ARHGAP26: variants seen among roughly 807,000 people sequenced by gnomAD.
The protein encoded by ARHGAP26 is Rho GTPase activating protein 26, also known as rho GTPase-activating protein 26.
ARHGAP26 carries 38 observed loss-of-function variants against 104.8 expected under a neutral mutation model. The ratio of observed to expected loss-of-function variants is 0.36; its 90% CI spans 0.28 to 0.48. ARHGAP26 has a LOEUF of 0.48. Ranked by LOEUF, ARHGAP26 falls within the 20% of genes least tolerant of loss-of-function variation. The probability of loss-of-function intolerance (pLI) is 0.99; values close to 1 mark genes in which losing one functional copy is unlikely to be tolerated. For missense variants in ARHGAP26, 704 were observed against 947.9 expected (o/e 0.74, Z 3.38); for synonymous variants, 341 against 340.0 (o/e 1.00, Z -0.03).
At chr5:143,036,957 A>G (rs771391550) in intron 12 of ARHGAP26, among the ~76,000 whole-genome samples, 3 of 152,234 alleles carry the variant, frequency 2.0e-5, no homozygotes, top group African/African-American at 7.2e-5. Context: ...TGAGGTTACT[A>G]TGAGAACTAA....
At chr5:143,159,077 A>G (rs1800872067) in intron 20 of ARHGAP26, among the ~76,000 whole-genome samples, 1 of 152,224 alleles carries the variant, frequency 6.6e-6, no homozygotes, top group African/African-American at 2.4e-5. Flanking sequence ...AGCTGAGAGA[A>G]CATGAGAGGA....
At chr5:143,048,041 G>A (rs1043923775) in intron 14 of ARHGAP26, among the ~76,000 whole-genome samples, 5 of 151,968 alleles carry the variant, frequency 3.3e-5, no homozygotes, top group Non-Finnish European at 7.4e-5. Flanking sequence ...TAGAGTCAAG[G>A]TTTCACCATG....
rs201237912 is a variant in ARHGAP26, at chr5:143,132,535, AT to A, written c.1699-1425del. ...CAGCCATTAAGAATCATGTCTGAAG[AT>A]TTTTTTAATGAATGAGGAAATACTG... On this transcript the variant is annotated intron_variant, in intron 18 of 22. Transcript: ENST00000645722. Among the ~76,000 whole-genome samples the A allele has an allele frequency of 6.6e-5, 10 of 152,168 alleles. No homozygotes were observed. In the South Asian group the frequency reaches 1.2e-3, roughly 19 times the overall value.
At chr5:143,218,790 C>T (rs1374862549) in intron 22 of ARHGAP26, among the ~76,000 whole-genome samples, 6 of 152,226 alleles carry the variant, frequency 3.9e-5, no homozygotes, top group African/African-American at 1.4e-4. Flanking sequence ...CCAACAAGCA[C>T]TTAGCATCTT....
rs554124515 is a variant in ARHGAP26 at position 142,828,166 on chromosome 5, G to A, written c.155-45234G>A. 3.3e-5 allele frequency among the ~76,000 whole-genome samples: 5 copies of A among 152,262 alleles called. No homozygotes were observed. The South Asian group carries it at 8.3e-4, about 25-fold the overall frequency. ...AACCTGGACCTCCCTGGGAGCCGCT[G>A]GCAGATTGTATGAAATAACAACAAT... On this transcript the variant is annotated intron_variant, in intron 1 of 22. Coordinates refer to ENST00000645722, the MANE Select transcript of ARHGAP26 (RefSeq NM_001135608.3).
At chr5:142,802,721 A>C (rs1762308659) in intron 1 of ARHGAP26, among the ~76,000 whole-genome samples, 1 of 152,166 alleles carries the variant, frequency 6.6e-6, no homozygotes, top group Non-Finnish European at 1.5e-5. Flanking sequence ...TACAATGCAC[A>C]TACTAGGGCA....
At chr5:142,944,245 A>G (rs1163413313) in intron 11 of ARHGAP26, among the ~76,000 whole-genome samples, 1 of 152,306 alleles carries the variant, frequency 6.6e-6, no homozygotes, top group Middle Eastern at 3.4e-3. Flanking sequence ...CATTTTTGAC[A>G]TAATAATAGC....
At chr5:142,804,240 C>T (rs1762569181) in intron 1 of ARHGAP26, among the ~76,000 whole-genome samples, 1 of 152,158 alleles carries the variant, frequency 6.6e-6, no homozygotes, top group South Asian at 2.1e-4. Flanking sequence ...AAGAACGAGA[C>T]CCAATATTAT....
Position 142,935,101 on chromosome 5 carries a change from G to A in ARHGAP26, c.1107+2976G>A, listed in dbSNP as rs1330039684. Among the ~76,000 whole-genome samples the A allele has an allele frequency of 2.0e-5, 3 of 152,152 alleles. No individual in the cohort carries two copies. The East Asian group carries it at 5.8e-4, about 29-fold the overall frequency. On this transcript the variant is annotated intron_variant, in intron 11 of 22. Transcript: ENST00000645722. ...AAATTTGAATTATTTTAATTCAAATGTGGGAAACTCAATTCAAACTTGAAG... is the reference window on the plus strand; with the variant it reads ...AAATTTGAATTATTTTAATTCAAATATGGGAAACTCAATTCAAACTTGAAG...
chr5:142,952,674 T>G (rs1426354252), intron 11 of ARHGAP26, among the ~76,000 whole-genome samples: 1 of 152,160 alleles, frequency 6.6e-6, no homozygotes, highest in Non-Finnish European at 1.5e-5. Context: ...CCACTGGCAA[T>G]TGGGTGTTAC....
intron 11 of ARHGAP26, among the ~76,000 whole-genome samples, chr5:142,951,306 C>T (rs999761365): frequency 2.0e-5 from 3 of 152,190 alleles, no homozygotes; most frequent in African/African-American, 2.4e-5. Flanking sequence ...GTGATCCGCC[C>T]GCCTCGACCT....
At chr5:142,986,207 T>C (rs1774702519) in intron 11 of ARHGAP26, among the ~76,000 whole-genome samples, 1 of 152,192 alleles carries the variant, frequency 6.6e-6, no homozygotes, top group Non-Finnish European at 1.5e-5. Flanking sequence ...TTCTAACTGG[T>C]GTGAGATGGT....
At chr5:142,998,307 G>A (rs939686705) in intron 11 of ARHGAP26, among the ~76,000 whole-genome samples, 1 of 152,178 alleles carries the variant, frequency 6.6e-6, no homozygotes, top group African/African-American at 2.4e-5. Flanking sequence ...GGGCCAAGGA[G>A]AGGTGGACAT....
intron 11 of ARHGAP26, among the ~76,000 whole-genome samples, chr5:142,977,418 T>TA (rs540356223): frequency 2.5e-4 from 37 of 148,708 alleles, no homozygotes; most frequent in East Asian, 1.4e-3. Flanking sequence ...TTAACCTTAT[T>TA]AAAAAAAAAA....
At chr5:143,066,987 C>G (rs980495211) in intron 17 of ARHGAP26, among the ~76,000 whole-genome samples, 1 of 151,826 alleles carries the variant, frequency 6.6e-6, no homozygotes, top group Non-Finnish European at 1.5e-5. Context: ...GAACAAGCCA[C>G]GTAGGGCTGA....
intron 17 of ARHGAP26, among the ~76,000 whole-genome samples, chr5:143,064,518 A>AT (rs1177288778): frequency 4.6e-5 from 7 of 151,208 alleles, no homozygotes; most frequent in East Asian, 3.9e-4. Context: ...AGAAGAGTGC[A>AT]TTTTTTTTAA....
rs570481468 is a variant in ARHGAP26 at position 143,066,975 on chromosome 5, A to G, written c.1538+9228A>G. Among the ~76,000 whole-genome samples the G allele has an allele frequency of 5.3e-5, 8 of 151,482 alleles. No individual in the cohort carries two copies. In the South Asian group the frequency reaches 1.7e-3, roughly 32 times the overall value. Reference sequence around the variant, plus strand: ...TCTGTGGGGTGGTGCACCTGTTTGAAGGAACAAGCCACGTAGGGCTGATTT... The same window carrying G: ...TCTGTGGGGTGGTGCACCTGTTTGAGGGAACAAGCCACGTAGGGCTGATTT... On this transcript the variant is annotated intron_variant, in intron 17 of 22. Transcript: ENST00000645722.
intron 17 of ARHGAP26, among the ~76,000 whole-genome samples, chr5:143,076,549 C>T (rs991778101): frequency 2.0e-5 from 3 of 152,090 alleles, no homozygotes; most frequent in African/African-American, 7.2e-5. Flanking sequence ...CAGTTTGTTC[C>T]TTATCCCCAA....
intron 1 of ARHGAP26, among the ~76,000 whole-genome samples, chr5:142,852,443 C>G (rs1751677545): frequency 6.6e-6 from 1 of 152,226 alleles, no homozygotes; most frequent in Admixed American, 6.5e-5. Flanking sequence ...GATCAGCAAT[C>G]TTAAAACCAT....
Sources: gnomAD v4.1 joint callset for allele counts (sites outside exome capture counted in the v4.1 genomes callset) on GRCh38, gnomAD v4.1.1 for gene constraint, MANE v1.5 for transcripts, NCBI Gene and HGNC (gene_info 2026-07-23, HGNC 2026-07-21) for gene names.